FANCD2OS: variants seen among roughly 807,000 people sequenced by gnomAD.
FANCD2OS encodes the protein FANCD2 opposite strand.
FANCD2OS carries 11 observed loss-of-function variants against 13.2 expected under a neutral mutation model. The ratio of observed to expected loss-of-function variants is 0.83; its 90% CI spans 0.52 to 1.38. FANCD2OS has a LOEUF of 1.38. Ranked by LOEUF, FANCD2OS falls within the 40% of genes most tolerant of loss-of-function variation. The pLI, the probability that FANCD2OS is intolerant of heterozygous loss-of-function variation, is 0.00. For missense variants in FANCD2OS, 217 were observed against 213.9 expected, an observed-to-expected ratio of 1.01 and a Z score of -0.09; for synonymous variants, 69 against 84.5, an observed-to-expected ratio of 0.82 and a Z score of 1.01.
Position 10,104,003 on chromosome 3 carries a change from T to A in FANCD2OS, c.*238A>T. 1.9e-6 allele frequency: 1 copy of A among 526,226 alleles called. No homozygotes were observed. The highest frequency in any genetic ancestry group is 3.3e-6 in the Non-Finnish European group (1 of 300,264). 32.6% of individuals were successfully genotyped at this position (526,226 alleles called of 1,614,324 possible). A position where few individuals can be genotyped will look rare whatever the true frequency, so the allele number is the denominator to read the frequency against. On this transcript the variant is annotated 3_prime_UTR_variant, in exon 2 of 2. Coordinates refer to ENST00000450660, the MANE Select transcript of FANCD2OS (RefSeq NM_001164839.2). Reference sequence around the variant, plus strand: ...AACGGTTATCACATGGACATGTCAATGCTAGTTTGACTCTAAATGGTTCAA... The same window carrying A: ...AACGGTTATCACATGGACATGTCAAAGCTAGTTTGACTCTAAATGGTTCAA...
intron 2 of FANCD2OS, among the ~76,000 whole-genome samples, chr3:10,096,709 C>G (rs35954417): frequency 6.6e-6 from 1 of 152,146 alleles, no homozygotes; most frequent in African/African-American, 2.4e-5. Flanking sequence ...TAAACAATGC[C>G]TCAGACATAA....
chr3:10,085,394 C>CTTTTT (rs1242296810), intron 2 of FANCD2OS, among the ~76,000 whole-genome samples: 2 of 136,938 alleles, frequency 1.5e-5, no homozygotes, highest in African/African-American at 2.7e-5. Context: ...TTTTTTCTTT[C>CTTTTT]TTTTTTTTTT....
chr3:10,085,451 GCACA>G (rs1406820520), intron 2 of FANCD2OS, among the ~76,000 whole-genome samples: 2 of 150,018 alleles, frequency 1.3e-5, no homozygotes, highest in African/African-American at 5.0e-5. Context: ...GAGTGCAGTG[GCACA>G]ATCTCGGCTC....
chr3:10,086,047 C>A, intron 2 of FANCD2OS: 1 of 715,468 alleles, frequency 1.4e-6, no homozygotes, highest in Non-Finnish European at 2.6e-6. Context: ...TTCAGCTACT[C>A]TCCTCATATA....
intron 2 of FANCD2OS, among the ~76,000 whole-genome samples, chr3:10,094,095 G>C (rs1694811604): frequency 6.6e-6 from 1 of 152,188 alleles, no homozygotes; most frequent in Non-Finnish European, 1.5e-5. Flanking sequence ...TAATTCTGGG[G>C]CTTAGTTAAC....
intron 2 of FANCD2OS, among the ~76,000 whole-genome samples, chr3:10,087,565 A>C (rs1422425962): frequency 2.6e-5 from 4 of 152,134 alleles, no homozygotes; most frequent in African/African-American, 9.7e-5. Flanking sequence ...TGACAAAACG[A>C]GACATAAATC....
chr3:10,088,454 C>T lies in FANCD2OS; in HGVS notation c.*44-6923G>A, dbSNP rs747786350. 6.9e-6 allele frequency: 11 copies of T among 1,604,318 alleles called. No individual in the cohort carries two copies. Among genetic ancestry groups the T allele is most frequent in the African/African-American group, 1.3e-5 (1 of 74,848 alleles). Reference sequence around the variant, plus strand: ...TTTGTCTTCTTTTCTAACAGCTTCCCTTGCCAGACAATTCCTCTGTCGGGT... The same window carrying T: ...TTTGTCTTCTTTTCTAACAGCTTCCTTTGCCAGACAATTCCTCTGTCGGGT... On this transcript the variant is annotated intron_variant, in intron 2 of 2. Coordinates refer to the FANCD2OS transcript ENST00000524279.
chr3:10,104,901 A>T, intron 1 of FANCD2OS, 119 bp from the exon 2 acceptor site: 1 of 733,986 alleles, frequency 1.4e-6, no homozygotes, highest in South Asian at 2.7e-5. Context: ...GTTCCCATGA[A>T]TAGATTCCAA....
Position 10,105,807 on chromosome 3 carries a change from T to TAG in FANCD2OS, c.-8-1026_-8-1025insCT, listed in dbSNP as rs1559415279. On this transcript the variant is annotated intron_variant, in intron 1 of 1. Transcript: ENST00000450660. Reference sequence around the variant, plus strand: ...ATATATATATATATATATATATATATATATATATATATATTTTGAGGTTCG... The same window carrying TAG: ...ATATATATATATATATATATATATATAGATATATATATATATTTTGAGGTTCG... 1.2e-4 allele frequency among the ~76,000 whole-genome samples: 9 copies of TAG among 76,158 alleles called. 2 individuals carry two copies. The highest frequency in any genetic ancestry group is 6.0e-4 in the African/African-American group (9 of 14,944). The allele number at this position is 76,158 out of a possible 152,430, so 50.0% of individuals were successfully genotyped here.
intron 1 of FANCD2OS, among the ~76,000 whole-genome samples, chr3:10,105,779 T>A (rs1229596419): frequency 1.2e-4 from 3 of 26,004 alleles, no homozygotes; most frequent in East Asian, 2.0e-3. Context: ...AAATTATATA[T>A]ATATATATAT....
chr3:10,089,844 A>G (rs1178071850), intron 2 of FANCD2OS, among the ~76,000 whole-genome samples: 1 of 152,204 alleles, frequency 6.6e-6, no homozygotes, highest in African/African-American at 2.4e-5. Flanking sequence ...CAGAATATCA[A>G]TAGTTATCTT....
chr3:10,081,332 A>T, exon 3 of FANCD2OS: 1 of 1,613,086 alleles, frequency 6.2e-7, no homozygotes, highest in Non-Finnish European at 8.5e-7. Context: ...TCCTAAAATC[A>T]TTTTTATTTT....
intron 1 of FANCD2OS, among the ~76,000 whole-genome samples, chr3:10,107,719 G>GGGCC (rs2125113114): frequency 6.6e-6 from 1 of 152,132 alleles, no homozygotes; most frequent in African/African-American, 2.4e-5. Context: ...AGGCCAAGGC[G>GGGCC]GGCCAATCAC....
At chr3:10,095,229 C>A in intron 2 of FANCD2OS, 2 of 1,614,134 alleles carry the variant, frequency 1.2e-6, no homozygotes, top group Non-Finnish European at 1.7e-6. Flanking sequence ...TGGAAACCTT[C>A]CAGTTGGACA....
Position 10,088,747 on chromosome 3 carries a change from A to C in FANCD2OS, c.*44-7216T>G, listed in dbSNP as rs1694394548. On this transcript the variant is annotated intron_variant, in intron 2 of 2. Coordinates refer to the FANCD2OS transcript ENST00000524279. ...TTAGCTAACTGCTTATTGTTAATTC[A>C]GATCATAGAGGAATTAGAGGAATCT... 3.4e-6 allele frequency: 5 copies of C among 1,459,680 alleles called. No homozygotes were observed. In the East Asian group the frequency reaches 1.1e-4, roughly 33 times the overall value. The allele number at this position is 1,459,680 out of a possible 1,614,324, so 90.4% of individuals were successfully genotyped here.
In FANCD2OS at chr3:10,104,687, T is replaced by C. The variant is rs1695421173; in HGVS notation, c.88A>G (p.Lys30Glu). 6.2e-7 allele frequency: 1 copy of C among 1,613,826 alleles called. No homozygotes were observed. The highest frequency in any genetic ancestry group is 8.5e-7 in the Non-Finnish European group (1 of 1,179,982). Residue 30 changes from lysine to glutamate, a missense_variant, in exon 2 of 2, where the codon AAG becomes GAG. By Grantham distance (56) the Lys-to-Glu change is moderately conservative. Transcript: ENST00000450660. ...CAGGGGGAGGCCTTGAATGGGTGCT[T>C]GGAGGAAGGTGTAGGTGTCGTGTGC... Reference protein sequence around the residue: ...LRHTTPTPSSKHPFKASPCFP... With the variant: ...LRHTTPTPSSEHPFKASPCFP...
At chr3:10,086,128 T>C (rs1477009872) in intron 2 of FANCD2OS, among the ~76,000 whole-genome samples, 1 of 152,240 alleles carries the variant, frequency 6.6e-6, no homozygotes, top group African/African-American at 2.4e-5. Context: ...TGCTAAATCT[T>C]CATGAATGCA....
intron 1 of FANCD2OS, 59 bp from the exon 2 acceptor site, chr3:10,104,841 C>T: frequency 6.9e-6 from 10 of 1,453,180 alleles, no homozygotes; most frequent in African/African-American, 1.4e-5. Flanking sequence ...GAGAGCATGG[C>T]CTTTCAAATT....
At chr3:10,098,546 C>T (rs972033057), downstream of FANCD2OS, among the ~76,000 whole-genome samples, 3 of 152,160 alleles carry the variant, frequency 2.0e-5, no homozygotes, top group African/African-American at 7.2e-5. Flanking sequence ...TCTCAGAAAC[C>T]TGGAGTTGAG....
Sources: gnomAD v4.1 joint callset for allele counts (sites outside exome capture counted in the v4.1 genomes callset) on GRCh38, gnomAD v4.1.1 for gene constraint, MANE v1.5 for transcripts, NCBI Gene and HGNC (gene_info 2026-07-23, HGNC 2026-07-21) for gene names.